The following SCHIP1 variants were observed in gnomAD, a reference collection of about 807,000 sequenced individuals.
SCHIP1 encodes the protein schwannomin-interacting protein 1.
A neutral mutation model predicts 29.7 loss-of-function variants in SCHIP1; 8 were observed. That is an observed-to-expected ratio of 0.27 (90% CI 0.16 to 0.49). The LOEUF (loss-of-function observed/expected upper bound fraction) is 0.49, where lower values mean the gene tolerates loss of function less well. Among genes scored for constraint, SCHIP1 ranks in the 20% least tolerant of loss-of-function variants. The probability of loss-of-function intolerance (pLI) is 0.99; values close to 1 mark genes in which losing one functional copy is unlikely to be tolerated. For synonymous variants in SCHIP1, 76 were observed against 94.9 expected (o/e 0.80, Z 1.16); for missense variants, 193 against 294.6 (o/e 0.66, Z 2.52).
At chr3:159,321,198 C>T in the SCHIP1 span, among the ~76,000 whole-genome samples, 3 of 152,154 alleles carry the variant, frequency 2.0e-5, no homozygotes, top group African/African-American at 7.2e-5. Flanking sequence ...CTCCTGACCT[C>T]AGGTGATCTG....
the SCHIP1 span, among the ~76,000 whole-genome samples, chr3:159,506,828 C>G: frequency 6.6e-6 from 1 of 152,102 alleles, no homozygotes; most frequent in Non-Finnish European, 1.5e-5. Flanking sequence ...TGGTCTATAC[C>G]TCTATTTTGG....
the SCHIP1 span, among the ~76,000 whole-genome samples, chr3:159,509,293 C>T: frequency 6.6e-6 from 1 of 152,170 alleles, no homozygotes; most frequent in East Asian, 1.9e-4. Context: ...ATTGCAACCC[C>T]TGCCTTTTTT....
At chr3:159,629,851 T>G in the SCHIP1 span, among the ~76,000 whole-genome samples, 2 of 152,136 alleles carry the variant, frequency 1.3e-5, no homozygotes, top group Middle Eastern at 3.2e-3. Context: ...CAAAGACCAA[T>G]AAGGCATGCA....
At chr3:159,593,794 A>G in the SCHIP1 span, among the ~76,000 whole-genome samples, 1 of 152,220 alleles carries the variant, frequency 6.6e-6, no homozygotes, top group African/African-American at 2.4e-5. Context: ...GACAGGTTGT[A>G]TTAGAGAATT....
At chr3:159,464,889 T>G in the SCHIP1 span, among the ~76,000 whole-genome samples, 1 of 152,192 alleles carries the variant, frequency 6.6e-6, no homozygotes, top group East Asian at 1.9e-4. Flanking sequence ...ATGACAGATA[T>G]TGGTATAAAA....
At chr3:159,596,757 C>T in the SCHIP1 span, among the ~76,000 whole-genome samples, 1 of 150,146 alleles carries the variant, frequency 6.7e-6, no homozygotes, top group Non-Finnish European at 1.5e-5. Flanking sequence ...AATGAGAACA[C>T]TTGGACACAG....
chr3:159,826,022 G>C, the SCHIP1 span, among the ~76,000 whole-genome samples: 4 of 152,180 alleles, frequency 2.6e-5, no homozygotes, highest in African/African-American at 4.8e-5. Flanking sequence ...AAGAAGTCAG[G>C]AGGGTAGATC....
the SCHIP1 span, among the ~76,000 whole-genome samples, chr3:159,413,746 A>C: frequency 1.3e-5 from 2 of 152,194 alleles, no homozygotes; most frequent in African/African-American, 4.8e-5. Flanking sequence ...TCCAACTCTA[A>C]AATCCTATGG....
chr3:159,612,705 C>T, the SCHIP1 span, among the ~76,000 whole-genome samples: 1 of 152,310 alleles, frequency 6.6e-6, no homozygotes, highest in East Asian at 1.9e-4. Context: ...CGAGATCACG[C>T]CATTGCACTC....
the SCHIP1 span, among the ~76,000 whole-genome samples, chr3:159,641,889 TATACTA>T: frequency 2.0e-5 from 3 of 152,164 alleles, no homozygotes; most frequent in African/African-American, 4.8e-5. Context: ...ATGATTTTGT[TATACTA>T]ATACATTAGA....
At chr3:159,521,077 TAA>T in the SCHIP1 span, among the ~76,000 whole-genome samples, 1 of 152,256 alleles carries the variant, frequency 6.6e-6, no homozygotes, top group Admixed American at 6.5e-5. Flanking sequence ...TTGCTTTCTG[TAA>T]AAGTTATTCC....
At chr3:159,395,134 T>C in the SCHIP1 span, among the ~76,000 whole-genome samples, 10 of 152,370 alleles carry the variant, frequency 6.6e-5, 1 homozygote, top group African/African-American at 2.4e-4. Flanking sequence ...TCTCTGATGG[T>C]AGTTTGTATT....
the SCHIP1 span, among the ~76,000 whole-genome samples, chr3:159,467,693 T>A: frequency 6.6e-6 from 1 of 152,044 alleles, no homozygotes; most frequent in Non-Finnish European, 1.5e-5. Flanking sequence ...CAAATTGAGG[T>A]GTTTTTATTG....
the SCHIP1 span, among the ~76,000 whole-genome samples, chr3:159,813,881 A>T: frequency 1.3e-5 from 2 of 152,208 alleles, no homozygotes; most frequent in African/African-American, 2.4e-5. Flanking sequence ...TAGGGTTAAT[A>T]TAATGGAGGC....
chr3:159,665,069 T>C, the SCHIP1 span, among the ~76,000 whole-genome samples: 1 of 152,184 alleles, frequency 6.6e-6, no homozygotes, highest in Non-Finnish European at 1.5e-5. Flanking sequence ...GGACTTTGAA[T>C]ACAGACATCT....
the SCHIP1 span, among the ~76,000 whole-genome samples, chr3:159,431,840 A>G: frequency 6.6e-6 from 1 of 151,154 alleles, no homozygotes; most frequent in East Asian, 1.9e-4. Flanking sequence ...AAAAGCAATG[A>G]TTTTCTTATT....
At chr3:159,769,860 ATATG>A in the SCHIP1 span, among the ~76,000 whole-genome samples, 7 of 152,268 alleles carry the variant, frequency 4.6e-5, no homozygotes, top group African/African-American at 1.7e-4. Context: ...TATGTATGGC[ATATG>A]TATGTGTTTT....
chr3:159,764,576 G>A, the SCHIP1 span: 4 of 1,606,026 alleles, frequency 2.5e-6, no homozygotes, highest in Non-Finnish European at 1.7e-6. The surrounding 1 kb of genome is among the most constrained non-coding windows in gnomAD (Gnocchi z 6.1). Context: ...TCGCCGGGGG[G>A]CAGCCTGGAC....
chr3:159,739,842 G>T, the SCHIP1 span, among the ~76,000 whole-genome samples: 2 of 152,330 alleles, frequency 1.3e-5, no homozygotes, highest in Middle Eastern at 3.4e-3. Flanking sequence ...TACTAAACCG[G>T]TGCCTAATTA....
Sources: allele counts gnomAD v4.1 joint callset (sites outside exome capture counted in the v4.1 genomes callset), GRCh38; gene constraint gnomAD v4.1.1; non-coding constraint Gnocchi (gnomAD v3.1); transcripts MANE v1.5; gene names NCBI Gene and HGNC (gene_info 2026-07-23, HGNC 2026-07-21).